The following UNC80 variants were observed in gnomAD, a reference collection of about 807,000 sequenced individuals.
UNC80 encodes unc-80 subunit of NALCN channel complex.
In UNC80, 164 loss-of-function variants were observed where a neutral mutation model predicts 384.6. The ratio of observed to expected loss-of-function variants is 0.43; its 90% CI spans 0.38 to 0.49. The LOEUF (loss-of-function observed/expected upper bound fraction) is 0.49. Among genes scored for constraint, UNC80 ranks in the 20% least tolerant of loss-of-function variants. The pLI, the probability that UNC80 is intolerant of heterozygous loss-of-function variation, is 0.00. For synonymous variants in UNC80, 1,486 were observed against 1,527.8 expected (o/e 0.97, Z 0.64); for missense variants, 3,330 against 4,143.0 (o/e 0.80, Z 5.39).
At chr2:209,896,459 C>A in intron 28 of UNC80, 46 bp downstream of exon 28, 1 of 1,455,992 alleles carries the variant, frequency 6.9e-7, no homozygotes, top group Non-Finnish European at 9.4e-7. Flanking sequence ...TTTCTTTTGG[C>A]ACTGGGGAAG....
chr2:209,834,830 T>G (rs2081233377), intron 17 of UNC80, 82 bp from the exon 18 acceptor site: 2 of 1,128,084 alleles, frequency 1.8e-6, no homozygotes, highest in Non-Finnish European at 2.6e-6. Flanking sequence ...TACAACAGAG[T>G]GTTTTGTTTT....
intron 6 of UNC80, among the ~76,000 whole-genome samples, chr2:209,790,045 TA>T (rs2077698024): frequency 1.3e-5 from 2 of 152,098 alleles, no homozygotes; most frequent in Admixed American, 1.3e-4. Flanking sequence ...GAAGGAGTTA[TA>T]AGATAGTCCT....
rs767468494 is a variant in UNC80 at position 209,820,585 on chromosome 2, G to A, written c.2237G>A (p.Gly746Glu). The A allele has an allele frequency of 1.9e-5, 30 of 1,551,636 alleles. No homozygotes were observed. In the African/African-American group the frequency reaches 3.3e-4, roughly 17 times the overall value. ...GGAGATGGTGGAGGAGAAGAAGGAGGAGGTGGAGATGGAGGAGGTGGAGGA... is the reference window on the plus strand; with the variant it reads ...GGAGATGGTGGAGGAGAAGAAGGAGAAGGTGGAGATGGAGGAGGTGGAGGA... The part of the protein sequence containing the change: ...GAGDGGGEEG[G>E]GGDGGGGGGD... Residue 746 changes from glycine (G) to glutamate (E), a missense_variant, in exon 13 of 65, where the codon GGA becomes GAA. Around this residue, in one of 8 missense-constraint regions of UNC80, gnomAD observed 937 missense variants for 1,026.8 expected, o/e 0.91. Transcript: ENST00000673920.
intron 26 of UNC80, among the ~76,000 whole-genome samples, chr2:209,890,582 T>C (rs1265382541): frequency 1.3e-5 from 2 of 152,246 alleles, no homozygotes; most frequent in Non-Finnish European, 1.5e-5. Flanking sequence ...TTTCCAGATA[T>C]GTTAAAATGT....
Position 209,931,095 on chromosome 2 carries a change from A to G in UNC80, c.5994+41A>G, listed in dbSNP as rs1053859532. ...TCATTTCCAATTACGAAGCAGCACC[A>G]TGATGAAAAGGTCTTAGAAGATTTT... On this transcript the variant is annotated intron_variant, in intron 38 of 64. Transcript: ENST00000673920. 8 of 1,421,448 alleles carry G rather than the reference A, an allele frequency of 5.6e-6. No individual in the cohort carries two copies. In the East Asian group the frequency reaches 7.5e-5, roughly 13 times the overall value. The allele number at this position is 1,421,448 out of a possible 1,614,324, so 88.1% of individuals were successfully genotyped here. A position where few individuals can be genotyped will look rare whatever the true frequency, so the allele number is the denominator to read the frequency against.
intron 18 of UNC80, among the ~76,000 whole-genome samples, chr2:209,836,549 C>A (rs936544660): frequency 3.9e-5 from 6 of 152,194 alleles, no homozygotes; most frequent in African/African-American, 1.2e-4. Flanking sequence ...CACATCTATT[C>A]TTTCTTCTTA....
At chr2:209,971,506 A>T (rs1340009159) in intron 54 of UNC80, among the ~76,000 whole-genome samples, 1 of 150,628 alleles carries the variant, frequency 6.6e-6, no homozygotes, top group Admixed American at 6.6e-5. Flanking sequence ...TCTCCTGAGT[A>T]TTTCTGTGTG....
chr2:209,945,888 G>T lies in UNC80; in HGVS notation c.7231G>T (p.Glu2411Ter). The T allele has an allele frequency of 6.4e-7, 1 of 1,551,926 alleles. No individual in the cohort carries two copies. The highest frequency in any genetic ancestry group is 8.7e-7 in the Non-Finnish European group (1 of 1,146,992). ...GNEDLTFSIS[E>*]AIKLCVTVVA... Reference sequence around the variant, plus strand: ...CGAAGATCTGACATTTTCTATCAGTGAAGCCATTAAGCTCTGTGTCACTGT... The same window carrying T: ...CGAAGATCTGACATTTTCTATCAGTTAAGCCATTAAGCTCTGTGTCACTGT... The change falls in exon 47 of 65, where the codon GAA becomes TAA. Residue 2411 changes from glutamate to a stop codon, truncating the protein, a stop_gained. Coordinates refer to ENST00000673920, the MANE Select transcript of UNC80 (RefSeq NM_001371986.1). LOFTEE classifies it high-confidence loss of function.
intron 25 of UNC80, among the ~76,000 whole-genome samples, chr2:209,884,298 C>T (rs1400873076): frequency 2.0e-5 from 3 of 152,100 alleles, no homozygotes; most frequent in Non-Finnish European, 4.4e-5. Context: ...CAGTAATTCC[C>T]ATCAAATGCA....
At position 209,841,499 on chromosome 2, in the gene UNC80, C is replaced by T. The variant is rs192283256; in HGVS notation, c.3357+851C>T. On this transcript the variant is annotated intron_variant, in intron 20 of 64. Transcript: ENST00000673920. Reference sequence around the variant, plus strand: ...GCCTCCCGAGTAGCTGGGACTAGTGCGTGCCACCATGCCCAGCTAATTTTA... The same window carrying T: ...GCCTCCCGAGTAGCTGGGACTAGTGTGTGCCACCATGCCCAGCTAATTTTA... 2.9e-3 allele frequency among the ~76,000 whole-genome samples: 442 copies of T among 151,950 alleles called. 3 individuals are homozygous for T. The highest frequency in any genetic ancestry group is 0.025 in the South Asian group (120 of 4,804).
chr2:209,921,416 T>C, intron 33 of UNC80, 84 bp from the exon 34 acceptor site: 1 of 1,305,038 alleles, frequency 7.7e-7, no homozygotes, highest in Non-Finnish European at 1.0e-6. Context: ...CTACTACGTT[T>C]GTGTCATTCA....
At chr2:209,985,349 T>A (rs1221090338) in intron 61 of UNC80, among the ~76,000 whole-genome samples, 1 of 152,222 alleles carries the variant, frequency 6.6e-6, no homozygotes, top group Non-Finnish European at 1.5e-5. Context: ...TACCATTGAT[T>A]GTAAGAAAAT....
intron 8 of UNC80, among the ~76,000 whole-genome samples, chr2:209,814,547 A>G (rs575149950): frequency 1.3e-5 from 2 of 152,292 alleles, no homozygotes; most frequent in Non-Finnish European, 2.9e-5. Context: ...CGCCTGGCCA[A>G]CATTTTCCAG....
chr2:209,989,495 C>T (rs919991349), intron 61 of UNC80, among the ~76,000 whole-genome samples: 8 of 151,974 alleles, frequency 5.3e-5, no homozygotes, highest in African/African-American at 1.9e-4. Context: ...ATTTTGTGAC[C>T]ATAAAATACA....
intron 31 of UNC80, among the ~76,000 whole-genome samples, chr2:209,915,826 C>A (rs1387302884): frequency 1.3e-5 from 2 of 152,078 alleles, no homozygotes; most frequent in Admixed American, 1.3e-4. Flanking sequence ...AGTAGTGTGA[C>A]TATCGTTAAT....
intron 23 of UNC80, among the ~76,000 whole-genome samples, chr2:209,877,151 C>G (rs2084852318): frequency 6.6e-6 from 1 of 152,058 alleles, no homozygotes; most frequent in Non-Finnish European, 1.5e-5. Flanking sequence ...GAGCCTGTGT[C>G]TCTTCTATTG....
intron 28 of UNC80, among the ~76,000 whole-genome samples, chr2:209,896,823 A>G (rs1369043916): frequency 6.6e-6 from 1 of 151,976 alleles, no homozygotes; most frequent in Non-Finnish European, 1.5e-5. Flanking sequence ...GGGCAAGGAC[A>G]CTCTAAGATG....
At chr2:209,889,553 T>C (rs528458236) in intron 26 of UNC80, among the ~76,000 whole-genome samples, 348 of 152,298 alleles carry the variant, frequency 2.3e-3, no homozygotes, top group Non-Finnish European at 4.4e-3. Context: ...GCATGTTTGT[T>C]ACATAGGTAT....
chr2:209,922,990 A>G (rs2090154895), intron 35 of UNC80, among the ~76,000 whole-genome samples: 1 of 152,128 alleles, frequency 6.6e-6, no homozygotes. Context: ...AAATTGGGCA[A>G]TTTGTCTTTT....
Sources: gnomAD v4.1 joint callset for allele counts (sites outside exome capture counted in the v4.1 genomes callset) on GRCh38, gnomAD v4.1.1 for gene constraint, gnomAD v4.1.1 regional missense constraint, MANE v1.5 for transcripts, NCBI Gene and HGNC (gene_info 2026-07-23, HGNC 2026-07-21) for gene names.